The following RGS6 variants were observed in gnomAD, a reference collection of about 807,000 sequenced individuals.
The protein encoded by RGS6 is regulator of G-protein signaling 6.
In RGS6, 30 loss-of-function variants were observed where a neutral mutation model predicts 78.5. That is an observed-to-expected ratio of 0.38 (90% CI 0.29 to 0.52). The LOEUF is 0.52. Among genes scored for constraint, RGS6 ranks in the 20% least tolerant of loss-of-function variants. The pLI is 0.85. For missense variants in RGS6, 495 were observed against 609.7 expected, an observed-to-expected ratio of 0.81 and a Z score of 1.98; for synonymous variants, 206 against 206.0, an observed-to-expected ratio of 1.00 and a Z score of 0.00.
intron 13 of RGS6, among the ~76,000 whole-genome samples, chr14:72,500,130 A>C (rs778676804): frequency 6.6e-6 from 1 of 152,232 alleles, no homozygotes; most frequent in Non-Finnish European, 1.5e-5. Flanking sequence ...CGCATGGCCT[A>C]TTGGTTTATT....
chr14:72,510,159 A>G lies in RGS6; in HGVS notation c.971A>G (p.Glu324Gly), dbSNP rs1353863728. 1 of 1,603,170 alleles carries G rather than the reference A, an allele frequency of 6.2e-7. No homozygotes were observed. The highest frequency in any genetic ancestry group is 8.5e-7 in the Non-Finnish European group (1 of 1,176,322). Residue 324 changes from glutamate (E) to glycine (G), a missense_variant, in exon 14 of 18, where the codon GAG becomes GGG. Coordinates refer to ENST00000553525, the MANE Select transcript of RGS6 (RefSeq NM_001204424.2). ...VALWDIEMSK[E>G]PSQQRVKRWG... Reference sequence around the variant, plus strand: ...CTTCTTCCTTCACCCCAAAGCAAAGAGCCCAGCCAACAGCGAGTAAAAAGA... The same window carrying G: ...CTTCTTCCTTCACCCCAAAGCAAAGGGCCCAGCCAACAGCGAGTAAAAAGA...
chr14:71,948,782 C>T (rs2091936912), intron 1 of RGS6, among the ~76,000 whole-genome samples: 1 of 116,458 alleles, frequency 8.6e-6, no homozygotes, highest in African/African-American at 3.4e-5. Context: ...GATGAGGTCT[C>T]ACTGTGTTGC....
At position 72,235,086 on chromosome 14, in the gene RGS6, T is replaced by C. The variant is rs112948332; in HGVS notation, c.85-117009T>C. On this transcript the variant is annotated intron_variant, in intron 2 of 17. Coordinates refer to ENST00000553525, the MANE Select transcript of RGS6 (RefSeq NM_001204424.2). ...TTTAGTTGTTTGTTTATTGTCTATT[T>C]CTCCTGTTAGAATGTAAACTTGGGG... 8.6e-3 allele frequency among the ~76,000 whole-genome samples: 1,307 copies of C among 152,290 alleles called. 13 individuals carry two copies. Among genetic ancestry groups the C allele is most frequent in the African/African-American group, 0.024 (992 of 41,552 alleles).
intron 3 of RGS6, among the ~76,000 whole-genome samples, chr14:72,434,809 C>T (rs375719865): frequency 2.3e-4 from 35 of 152,216 alleles, no homozygotes; most frequent in African/African-American, 8.4e-4. Context: ...CAAAAAACAT[C>T]TCTTGAGCCT....
intron 17 of RGS6, among the ~76,000 whole-genome samples, chr14:72,557,760 T>C (rs1020613747): frequency 2.0e-5 from 3 of 152,192 alleles, no homozygotes; most frequent in African/African-American, 7.2e-5. Flanking sequence ...AAAATGCCTG[T>C]GTGTCACACC....
At chr14:72,459,522 C>A in intron 5 of RGS6, 110 bp from the exon 6 acceptor site, 1 of 976,660 alleles carries the variant, frequency 1.0e-6, no homozygotes, top group Non-Finnish European at 1.6e-6. Flanking sequence ...GTAGCATCAG[C>A]AAGAAGGAGA....
At chr14:71,881,659 G>T in the RGS6 span, among the ~76,000 whole-genome samples, 3 of 152,150 alleles carry the variant, frequency 2.0e-5, no homozygotes, top group Non-Finnish European at 4.4e-5. Flanking sequence ...TAGCCATGTG[G>T]AATTGTGAGT....
chr14:71,919,917 C>T, the RGS6 span, among the ~76,000 whole-genome samples: 2 of 152,000 alleles, frequency 1.3e-5, no homozygotes, highest in East Asian at 3.9e-4. Flanking sequence ...TCATTTGAAC[C>T]CAGGAGGTGG....
intron 2 of RGS6, among the ~76,000 whole-genome samples, chr14:72,281,092 G>A (rs770347668): frequency 5.3e-5 from 8 of 151,692 alleles, no homozygotes; most frequent in East Asian, 1.9e-4. Flanking sequence ...CTGTATTAAC[G>A]GACAAATAAG....
intron 2 of RGS6, among the ~76,000 whole-genome samples, chr14:72,084,075 G>A (rs1235790751): frequency 6.6e-6 from 1 of 152,138 alleles, no homozygotes; most frequent in African/African-American, 2.4e-5. Context: ...TAGAACAGTG[G>A]TCCTCAGCTT....
chr14:72,600,570 G>GACACACAC, the RGS6 span, among the ~76,000 whole-genome samples: 3 of 148,534 alleles, frequency 2.0e-5, no homozygotes, highest in Non-Finnish European at 4.5e-5. Context: ...AAGCCAGGCA[G>GACACACAC]ACACACACAC....
Position 72,316,162 on chromosome 14 carries a change from A to G in RGS6, c.85-35933A>G, listed in dbSNP as rs573650165. The stretch of plus-strand genomic sequence containing the variant: ...CCCTCTAACAATCAGAAGGAAATAC[A>G]TGGTTAAGATTGTTGAAACAAGAAG... On this transcript the variant is annotated intron_variant, in intron 2 of 17. Transcript: ENST00000553525. Among the ~76,000 whole-genome samples the G allele has an allele frequency of 7.1e-4, 108 of 152,366 alleles. 1 individual carries two copies. The highest frequency in any genetic ancestry group is 1.0e-3 in the South Asian group (5 of 4,828).
At chr14:72,067,894 G>T (rs1455681860) in intron 2 of RGS6, among the ~76,000 whole-genome samples, 1 of 152,156 alleles carries the variant, frequency 6.6e-6, no homozygotes, top group Admixed American at 6.5e-5. Flanking sequence ...GAGCTGGCTA[G>T]ACATGCAGAA....
At chr14:72,540,554 C>T (rs745773318) in intron 17 of RGS6, 41 of 1,560,082 alleles carry the variant, frequency 2.6e-5, no homozygotes, top group Admixed American at 5.1e-5. Context: ...GTGTGGGTCG[C>T]GAGCTAATGT....
chr14:71,979,137 A>G (rs2094312816), intron 2 of RGS6, among the ~76,000 whole-genome samples: 3 of 147,386 alleles, frequency 2.0e-5, no homozygotes, highest in Admixed American at 2.0e-4. Flanking sequence ...TATTGTGTCT[A>G]TTTGATTCTT....
intron 13 of RGS6, among the ~76,000 whole-genome samples, chr14:72,505,012 G>A (rs764640938): frequency 2.3e-5 from 3 of 132,384 alleles, no homozygotes; most frequent in Non-Finnish European, 3.1e-5. Context: ...TCCTGACCTT[G>A]TGATCCGCCT....
At chr14:72,398,420 C>T (rs1281055186) in intron 3 of RGS6, among the ~76,000 whole-genome samples, 2 of 152,066 alleles carry the variant, frequency 1.3e-5, no homozygotes, top group East Asian at 1.9e-4. Flanking sequence ...TTTTTTATTA[C>T]ATCTATTTGA....
chr14:72,352,283 C>A, intron 3 of RGS6, 89 bp downstream of exon 3: 1 of 826,076 alleles, frequency 1.2e-6, no homozygotes, highest in South Asian at 1.7e-5. Context: ...GTCTGAAGAT[C>A]TGTGAATAGT....
chr14:72,141,328 G>A (rs754627314), intron 2 of RGS6, among the ~76,000 whole-genome samples: 1 of 152,114 alleles, frequency 6.6e-6, no homozygotes, highest in Non-Finnish European at 1.5e-5. Flanking sequence ...AGATTCTGTT[G>A]CCCTTGAGTA....
Sources: gnomAD v4.1 joint callset for allele counts (sites outside exome capture counted in the v4.1 genomes callset) on GRCh38, gnomAD v4.1.1 for gene constraint, MANE v1.5 for transcripts, NCBI Gene and HGNC (gene_info 2026-07-23, HGNC 2026-07-21) for gene names.